EPM2A: variants seen among roughly 807,000 people sequenced by gnomAD.
EPM2A encodes the protein EPM2A glucan phosphatase, laforin.
EPM2A carries 21 observed loss-of-function variants against 26.5 expected under a neutral mutation model. That is an observed-to-expected ratio of 0.79 (90% CI 0.56 to 1.14). The LOEUF (loss-of-function observed/expected upper bound fraction) is 1.14. Ranked by LOEUF, EPM2A falls within the 50% of genes most tolerant of loss-of-function variation. The probability of loss-of-function intolerance (pLI) is 0.00; values close to 1 mark genes in which losing one functional copy is unlikely to be tolerated. For missense variants in EPM2A, 458 were observed against 440.8 expected (o/e 1.04, Z -0.35); for synonymous variants, 217 against 177.6 (o/e 1.22, Z -1.76).
intron 4 of EPM2A, among the ~76,000 whole-genome samples, chr6:145,410,397 G>T (rs979954654): frequency 6.6e-6 from 1 of 152,186 alleles, no homozygotes; most frequent in African/African-American, 2.4e-5. Flanking sequence ...GCAAATTGGA[G>T]CCCTATTGGG....
At chr6:145,655,398 T>C (rs905002004) in intron 2 of EPM2A, among the ~76,000 whole-genome samples, 2 of 152,120 alleles carry the variant, frequency 1.3e-5, no homozygotes, top group Non-Finnish European at 2.9e-5. Context: ...TTTAGTAATT[T>C]TGGAGGATCT....
chr6:145,694,548 G>A (rs1364165252), intron 1 of EPM2A, among the ~76,000 whole-genome samples: 1 of 151,960 alleles, frequency 6.6e-6, no homozygotes, highest in Non-Finnish European at 1.5e-5. Context: ...TAATGAAATG[G>A]AAACCTGAGA....
intron 2 of EPM2A, among the ~76,000 whole-genome samples, chr6:145,530,156 C>T (rs1256669861): frequency 6.6e-6 from 1 of 152,170 alleles, no homozygotes; most frequent in Non-Finnish European, 1.5e-5. Context: ...AGGATATCAG[C>T]ACAACCACCT....
At chr6:145,401,796 A>G (rs909565337) in intron 4 of EPM2A, among the ~76,000 whole-genome samples, 12 of 152,144 alleles carry the variant, frequency 7.9e-5, no homozygotes, top group African/African-American at 2.9e-4. Context: ...TGGCAAGTCA[A>G]AAGGATATGG....
chr6:145,527,749 T>C (rs552438288), intron 2 of EPM2A, among the ~76,000 whole-genome samples: 6 of 152,208 alleles, frequency 3.9e-5, no homozygotes, highest in East Asian at 1.9e-4. Flanking sequence ...TGCCACTCAA[T>C]GTGTTTAAGT....
chr6:145,597,638 CAT>C (rs576776324), intron 2 of EPM2A, among the ~76,000 whole-genome samples: 56 of 151,878 alleles, frequency 3.7e-4, no homozygotes, highest in Non-Finnish European at 7.2e-4. Context: ...TAGATAAACA[CAT>C]GTCATGGGGA....
intron 2 of EPM2A, among the ~76,000 whole-genome samples, chr6:145,659,614 A>G (rs1374168026): frequency 6.6e-6 from 1 of 152,264 alleles, no homozygotes; most frequent in Non-Finnish European, 1.5e-5. Context: ...GAGATCAATT[A>G]AAGAAAATAA....
At position 145,480,626 on chromosome 6, in the gene EPM2A, TTTA is replaced by T. The variant is rs1779602171; in HGVS notation, c.555+21893_555+21895del. Among the ~76,000 whole-genome samples, 38 of 152,174 alleles carry T rather than the reference TTTA, an allele frequency of 2.5e-4. 1 individual carries two copies. The highest frequency in any genetic ancestry group is 2.5e-3 in the Admixed American group (38 of 15,264). Reference sequence around the variant, plus strand: ...GTTTGACTTGTACAATCAAGTCCAATTTACCTTTTTCCTTACTATATCTTGAGG... The same window carrying T: ...GTTTGACTTGTACAATCAAGTCCAATCCTTTTTCCTTACTATATCTTGAGG... On this transcript the variant is annotated intron_variant, in intron 4 of 4. Coordinates refer to the EPM2A transcript ENST00000638717.
downstream of EPM2A, among the ~76,000 whole-genome samples, chr6:145,622,128 A>G (rs1011225186): frequency 6.6e-6 from 1 of 152,140 alleles, no homozygotes; most frequent in Non-Finnish European, 1.5e-5. Context: ...GACAGCAATC[A>G]TTTTCATTTT....
Position 145,574,406 on chromosome 6 carries a change from C to T in EPM2A, c.340+60839G>A, listed in dbSNP as rs188644832. ...TGCCTTTGACAGTTGAGTGCTGCCA[C>T]TTGGCCCCTGCCACCTTGCGATCCA... On this transcript the variant is annotated intron_variant, in intron 2 of 3. Transcript: ENST00000450221. Among the ~76,000 whole-genome samples the T allele has an allele frequency of 4.3e-3, 652 of 152,286 alleles. 5 individuals are homozygous for T. Among genetic ancestry groups the T allele is most frequent in the African/African-American group, 0.014 (564 of 41,552 alleles).
intron 4 of EPM2A, among the ~76,000 whole-genome samples, chr6:145,412,438 G>A (rs1408808326): frequency 6.6e-6 from 1 of 152,104 alleles, no homozygotes; most frequent in African/African-American, 2.4e-5. Flanking sequence ...AAAGCTTACT[G>A]AATTAAGTGT....
chr6:145,460,759 G>A (rs1779319692), intron 4 of EPM2A, among the ~76,000 whole-genome samples: 1 of 152,018 alleles, frequency 6.6e-6, no homozygotes, highest in Non-Finnish European at 1.5e-5. Context: ...TGGGTTCTAA[G>A]GGAAAACAGT....
chr6:145,507,464 T>C (rs1294510328), intron 2 of EPM2A, among the ~76,000 whole-genome samples: 1 of 152,124 alleles, frequency 6.6e-6, no homozygotes, highest in African/African-American at 2.4e-5. Context: ...ACTAGGGATA[T>C]GTGCCAAGGG....
rs1299877337 is a variant in EPM2A at position 145,447,145 on chromosome 6, T to C, written c.555+55377A>G. The stretch of plus-strand genomic sequence containing the variant: ...CCCAAAGCCTAGAAATTGGCTAGTG[T>C]AAAAAAGATACTCAATAAATATTTC... On this transcript the variant is annotated intron_variant, in intron 4 of 4. Transcript: ENST00000638717. 2.6e-5 allele frequency among the ~76,000 whole-genome samples: 4 copies of C among 152,184 alleles called. No homozygotes were observed. In the East Asian group the frequency reaches 7.7e-4, roughly 29 times the overall value.
chr6:145,474,188 G>C lies in EPM2A; in HGVS notation c.555+28334C>G, dbSNP rs190990149. On this transcript the variant is annotated intron_variant, in intron 4 of 4. Coordinates refer to the EPM2A transcript ENST00000638717. ...AAAAAGTAGTGGGTATGGGACCAGC[G>C]TGGTGGCTCATGCCTGTAATCCCAG... Among the ~76,000 whole-genome samples the C allele has an allele frequency of 3.2e-4, 49 of 152,188 alleles. 1 individual carries two copies. Among genetic ancestry groups the C allele is most frequent in the Admixed American group, 2.9e-3 (44 of 15,264 alleles).
At chr6:145,406,187 C>G (rs1360876201) in intron 4 of EPM2A, among the ~76,000 whole-genome samples, 1 of 152,004 alleles carries the variant, frequency 6.6e-6, no homozygotes, top group Non-Finnish European at 1.5e-5. Context: ...TTTGTATAAC[C>G]AAAGTATTTC....
intron 1 of EPM2A, among the ~76,000 whole-genome samples, chr6:145,727,177 A>C (rs1776253807): frequency 6.6e-6 from 1 of 152,168 alleles, no homozygotes; most frequent in Admixed American, 6.5e-5. Flanking sequence ...AGTCAATAGA[A>C]ACCACACCCA....
intron 4 of EPM2A, among the ~76,000 whole-genome samples, chr6:145,459,838 T>C (rs1329812997): frequency 3.9e-5 from 6 of 152,190 alleles, no homozygotes; most frequent in Non-Finnish European, 7.4e-5. Flanking sequence ...TCATCCTTTA[T>C]AATCTACTTT....
intron 1 of EPM2A, among the ~76,000 whole-genome samples, chr6:145,717,396 G>A (rs914938436): frequency 2.6e-5 from 4 of 152,022 alleles, no homozygotes; most frequent in Admixed American, 6.6e-5. Context: ...ATGCAGAAAA[G>A]GCCTTTGACA....
Sources: allele counts gnomAD v4.1 joint callset (sites outside exome capture counted in the v4.1 genomes callset), GRCh38; gene constraint gnomAD v4.1.1; transcripts MANE v1.5; gene names NCBI Gene and HGNC (gene_info 2026-07-23, HGNC 2026-07-21).